The following ADD1 variants were observed in gnomAD, a reference collection of about 807,000 sequenced individuals.
The protein encoded by ADD1 is adducin 1.
A neutral mutation model predicts 80.5 loss-of-function variants in ADD1; 24 were observed. The ratio of observed to expected loss-of-function variants is 0.30; its 90% CI spans 0.22 to 0.42. The LOEUF (loss-of-function observed/expected upper bound fraction) is 0.42, where lower values mean the gene tolerates loss of function less well. ADD1 is among the 10% of genes least tolerant of loss of function. The pLI, the probability that ADD1 is intolerant of heterozygous loss-of-function variation, is 1.00. For synonymous variants in ADD1, 373 were observed against 393.8 expected, an observed-to-expected ratio of 0.95 and a Z score of 0.63; for missense variants, 948 against 1,019.0, an observed-to-expected ratio of 0.93 and a Z score of 0.95.
In ADD1 at chr4:2,894,748, G is replaced by A; in HGVS notation, c.741+17G>A. Reference sequence around the variant, plus strand: ...GGGGCTGCGGTGAGTGGCTGCCCTGGTAGCATCTCAAGGTCTAAAGCTGCT... The same window carrying A: ...GGGGCTGCGGTGAGTGGCTGCCCTGATAGCATCTCAAGGTCTAAAGCTGCT... On this transcript the variant is annotated intron_variant, in intron 6 of 15. Transcript: ENST00000683351. The A allele has an allele frequency of 6.3e-7, 1 of 1,586,326 alleles. No homozygotes were observed. The highest frequency in any genetic ancestry group is 8.5e-7 in the Non-Finnish European group (1 of 1,171,482).
rs1342452606 is a variant in ADD1 at position 2,852,138 on chromosome 4, T to TTTCC, written c.-21+8116_-21+8117insCCTT. 1.8e-4 allele frequency among the ~76,000 whole-genome samples: 18 copies of TTTCC among 97,580 alleles called. No individual in the cohort carries two copies. The Admixed American group carries it at 1.9e-3, about 10-fold the overall frequency. 64.0% of individuals were successfully genotyped at this position (97,580 alleles called of 152,430 possible). A position where few individuals can be genotyped will look rare whatever the true frequency, so the allele number is the denominator to read the frequency against. The stretch of plus-strand genomic sequence containing the variant: ...GGCATGAGCCACAGCACCCGGCCTC[T>TTTCC]TTTCTTTCTTTCTTTCTTTCTTTCT... On this transcript the variant is annotated intron_variant, in intron 1 of 15. Transcript: ENST00000683351.
chr4:2,914,491 C>T (rs1738639191), intron 13 of ADD1, among the ~76,000 whole-genome samples: 3 of 152,248 alleles, frequency 2.0e-5, no homozygotes, highest in Non-Finnish European at 4.4e-5. Flanking sequence ...TACCTCGTGA[C>T]AGTTTCTGAT....
intron 14 of ADD1, 150 bp downstream of exon 14, chr4:2,915,190 A>G: frequency 1.1e-6 from 1 of 895,470 alleles, no homozygotes. Flanking sequence ...CTCATTTCCA[A>G]CCTAGTCACT....
intron 1 of ADD1, among the ~76,000 whole-genome samples, chr4:2,845,108 C>G (rs527873805): frequency 1.3e-5 from 2 of 152,104 alleles, no homozygotes; most frequent in Non-Finnish European, 1.5e-5. Flanking sequence ...GAGTCTCGCT[C>G]TGTCGCCAGG....
chr4:2,846,880 G>C (rs979838137), intron 1 of ADD1, among the ~76,000 whole-genome samples: 1 of 151,780 alleles, frequency 6.6e-6, no homozygotes, highest in South Asian at 2.1e-4. Flanking sequence ...CACTTTGGGA[G>C]GCCGAGGCGG....
chr4:2,919,066 C>G (rs1045874843), intron 14 of ADD1, among the ~76,000 whole-genome samples: 19 of 152,042 alleles, frequency 1.2e-4, no homozygotes, highest in African/African-American at 4.6e-4. Flanking sequence ...GTCTCGATCT[C>G]CTGACCTTGT....
At position 2,899,313 on chromosome 4, in the gene ADD1, G is replaced by A; in HGVS notation, c.1039G>A (p.Glu347Lys). ...GPDNLVLLNP[E>K]KYKAKSRSPG... ...AGACAACTTAGTCCTGCTGAATCCTGAGAAGTACAAAGCCAAGTCCCGTTC... is the reference window on the plus strand; with the variant it reads ...AGACAACTTAGTCCTGCTGAATCCTAAGAAGTACAAAGCCAAGTCCCGTTC... The change falls in exon 9 of 16, where the codon GAG becomes AAG. Residue 347 changes from glutamate (E) to lysine (K), a missense_variant. Coordinates refer to ENST00000683351, the MANE Select transcript of ADD1 (RefSeq NM_001354761.2). 6.2e-7 allele frequency: 1 copy of A among 1,614,192 alleles called. No homozygotes were observed. The highest frequency in any genetic ancestry group is 2.2e-5 in the East Asian group (1 of 44,882).
chr4:2,854,528 C>G (rs920241062), intron 1 of ADD1, among the ~76,000 whole-genome samples: 3 of 152,064 alleles, frequency 2.0e-5, no homozygotes, highest in African/African-American at 7.2e-5. Context: ...TCTGTGAGTT[C>G]TAGCAATTTT....
intron 14 of ADD1, among the ~76,000 whole-genome samples, chr4:2,923,811 G>C (rs910418054): frequency 1.3e-5 from 2 of 152,254 alleles, no homozygotes; most frequent in Admixed American, 6.5e-5. Flanking sequence ...TGGAGCAGAG[G>C]AATAGGGAGC....
At chr4:2,875,323 C>G (rs1337658715) in intron 1 of ADD1, among the ~76,000 whole-genome samples, 1 of 152,054 alleles carries the variant, frequency 6.6e-6, no homozygotes, top group Non-Finnish European at 1.5e-5. Context: ...ACAAACTGAG[C>G]ATCTTGACCT....
intron 1 of ADD1, among the ~76,000 whole-genome samples, chr4:2,846,066 T>C (rs1726154977): frequency 6.6e-6 from 1 of 152,218 alleles, no homozygotes; most frequent in South Asian, 2.1e-4. Flanking sequence ...AAACAAAAGG[T>C]AAACATGAGT....
At chr4:2,915,395 C>G (rs1738822413) in intron 14 of ADD1, among the ~76,000 whole-genome samples, 2 of 152,210 alleles carry the variant, frequency 1.3e-5, no homozygotes, top group African/African-American at 4.8e-5. Flanking sequence ...AATCCCAGCA[C>G]TTTGGGAGGC....
intron 1 of ADD1, among the ~76,000 whole-genome samples, chr4:2,871,911 T>C (rs1192480023): frequency 2.0e-5 from 3 of 152,242 alleles, no homozygotes; most frequent in Non-Finnish European, 4.4e-5. Context: ...TTTTACAGTT[T>C]GTTTCAATCA....
intron 4 of ADD1, among the ~76,000 whole-genome samples, chr4:2,888,983 A>G (rs1164316639): frequency 6.6e-6 from 1 of 152,206 alleles, no homozygotes; most frequent in African/African-American, 2.4e-5. Context: ...ATGGTTGTGT[A>G]ATACTTTTTA....
At chr4:2,896,381 G>A (rs916621004) in intron 6 of ADD1, among the ~76,000 whole-genome samples, 5 of 151,724 alleles carry the variant, frequency 3.3e-5, no homozygotes, top group African/African-American at 9.7e-5. Flanking sequence ...GCTAATTTTT[G>A]TATTTTTAGT....
At chr4:2,880,081 AAAT>A in intron 2 of ADD1, among the ~76,000 whole-genome samples, 1 of 152,134 alleles carries the variant, frequency 6.6e-6, no homozygotes, top group East Asian at 1.9e-4. Flanking sequence ...AAAGATGGCT[AAAT>A]AATCACCATG....
At position 2,888,001 on chromosome 4, in the gene ADD1, G is replaced by C. The variant is rs150786108; in HGVS notation, c.510+3335G>C. Among the ~76,000 whole-genome samples, 167 of 152,258 alleles carry C rather than the reference G, an allele frequency of 1.1e-3. 1 individual carries two copies. Among genetic ancestry groups the C allele is most frequent in the Admixed American group, 3.6e-3 (55 of 15,294 alleles). On this transcript the variant is annotated intron_variant, in intron 4 of 15. Transcript: ENST00000683351. ...AATAGATCTGTTAGTTAAGCTTACA[G>C]TTGGAAATAAATCTTAAAATAAGTA...
chr4:2,909,141 G>C (rs946441361), intron 12 of ADD1, 198 bp from the exon 13 acceptor site: 4 of 594,962 alleles, frequency 6.7e-6, no homozygotes, highest in Non-Finnish European at 1.2e-5. Context: ...ACTCTGCAGG[G>C]GTAGACGATT....
chr4:2,899,040 C>G (rs1735738753), intron 8 of ADD1: 1 of 550,648 alleles, frequency 1.8e-6, no homozygotes, highest in African/African-American at 1.9e-5. Flanking sequence ...GCTGTGTTTT[C>G]TCATTTCTCT....
Sources: gnomAD v4.1 joint callset for allele counts (sites outside exome capture counted in the v4.1 genomes callset) on GRCh38, gnomAD v4.1.1 for gene constraint, MANE v1.5 for transcripts, NCBI Gene and HGNC (gene_info 2026-07-23, HGNC 2026-07-21) for gene names.